The following SLC44A1 variants were observed in gnomAD, a reference collection of about 807,000 sequenced individuals.
SLC44A1 encodes the protein choline transporter-like protein 1.
A neutral mutation model predicts 79.3 loss-of-function variants in SLC44A1; 26 were observed. The observed-to-expected ratio is 0.33, with a 90% confidence interval of 0.24 to 0.46. SLC44A1 has a LOEUF of 0.46. Among genes scored for constraint, SLC44A1 ranks in the 20% least tolerant of loss-of-function variants. The probability of loss-of-function intolerance (pLI) is 1.00; values close to 1 mark genes in which losing one functional copy is unlikely to be tolerated. For missense variants in SLC44A1, 688 were observed against 798.1 expected (o/e 0.86, Z 1.66); for synonymous variants, 263 against 286.2 (o/e 0.92, Z 0.82).
At chr9:105,270,570 TCGAGA>T (rs1830054782) in intron 1 of SLC44A1, among the ~76,000 whole-genome samples, 1 of 152,212 alleles carries the variant, frequency 6.6e-6, no homozygotes, top group Non-Finnish European at 1.5e-5. Flanking sequence ...GTCAAACACC[TCGAGA>T]TCCTTCGTCT....
intron 15 of SLC44A1, among the ~76,000 whole-genome samples, chr9:105,406,108 A>G (rs2131502771): frequency 6.6e-6 from 1 of 152,308 alleles, no homozygotes; most frequent in African/African-American, 2.4e-5. Context: ...ATGAATGTGC[A>G]AAGACTGGAA....
chr9:105,291,141 C>A (rs1830593415), intron 1 of SLC44A1, among the ~76,000 whole-genome samples: 1 of 152,236 alleles, frequency 6.6e-6, no homozygotes, highest in Admixed American at 6.5e-5. Context: ...TTCATCAGGT[C>A]TGCTCACTCT....
chr9:105,251,004 C>T (rs935848597), intron 1 of SLC44A1, among the ~76,000 whole-genome samples: 1 of 152,178 alleles, frequency 6.6e-6, no homozygotes, highest in Admixed American at 6.5e-5. Flanking sequence ...TTGAGAGCCA[C>T]TCTTCCTTAC....
At chr9:105,403,504 A>C (rs1410837) in intron 15 of SLC44A1, among the ~76,000 whole-genome samples, 115,981 of 151,584 alleles carry the variant, frequency 0.77, 46,560 homozygotes, top group East Asian at 1. Flanking sequence ...ATAAAACAGA[A>C]AGATAAGTCT....
At chr9:105,417,352 A>G (rs527431053) in intron 15 of SLC44A1, among the ~76,000 whole-genome samples, 1 of 152,352 alleles carries the variant, frequency 6.6e-6, no homozygotes, top group African/African-American at 2.4e-5. Flanking sequence ...ACACATGATC[A>G]GGACCTTCCC....
intron 5 of SLC44A1, among the ~76,000 whole-genome samples, chr9:105,352,802 G>A (rs1009379342): frequency 2.0e-5 from 3 of 152,008 alleles, no homozygotes; most frequent in South Asian, 4.2e-4. Flanking sequence ...GGATTTAAAC[G>A]CTAAAATATA....
chr9:105,414,826 A>G (rs376401976), intron 15 of SLC44A1, among the ~76,000 whole-genome samples: 1 of 152,140 alleles, frequency 6.6e-6, no homozygotes, highest in African/African-American at 2.4e-5. Context: ...AGAAAAAAAA[A>G]CCATAGGAAT....
intron 15 of SLC44A1, among the ~76,000 whole-genome samples, chr9:105,421,915 A>G (rs1829256449): frequency 6.6e-6 from 1 of 152,162 alleles, no homozygotes; most frequent in Middle Eastern, 3.2e-3. Flanking sequence ...CCTTCAGCAC[A>G]CTGGTGCATT....
intron 15 of SLC44A1, among the ~76,000 whole-genome samples, chr9:105,433,049 C>G (rs1360315749): frequency 1.3e-5 from 2 of 152,144 alleles, no homozygotes; most frequent in African/African-American, 4.8e-5. Context: ...AATCCTAGCA[C>G]TTTGGGAGGC....
chr9:105,295,205 C>A (rs1305109160), intron 1 of SLC44A1, among the ~76,000 whole-genome samples: 3 of 152,186 alleles, frequency 2.0e-5, no homozygotes, highest in African/African-American at 4.8e-5. Context: ...TTTTAGGAAT[C>A]AAATGCGGTC....
At chr9:105,412,107 G>C (rs1192422399) in intron 15 of SLC44A1, among the ~76,000 whole-genome samples, 1 of 152,034 alleles carries the variant, frequency 6.6e-6, no homozygotes, top group Non-Finnish European at 1.5e-5. Flanking sequence ...GTGTTCTACT[G>C]TAAGGAAAAT....
intron 15 of SLC44A1, among the ~76,000 whole-genome samples, chr9:105,387,060 A>AAAAAAAAAAAAATAT (rs34780893): frequency 3.9e-4 from 3 of 7,714 alleles, no homozygotes; most frequent in Non-Finnish European, 7.1e-4. Context: ...AAAAAAAAAA[A>AAAAAAAAAAAAATAT]ATATATATAT....
intron 1 of SLC44A1, among the ~76,000 whole-genome samples, chr9:105,284,662 T>C (rs2131260791): frequency 6.6e-6 from 1 of 152,282 alleles, no homozygotes; most frequent in Non-Finnish European, 1.5e-5. Flanking sequence ...TCATCTCGTA[T>C]ATCTGATGCG....
chr9:105,356,051 T>A (rs755427269), intron 5 of SLC44A1, 161 bp from the exon 6 acceptor site: 8 of 614,130 alleles, frequency 1.3e-5, no homozygotes, highest in Non-Finnish European at 2.3e-5. Flanking sequence ...CCCATGACAG[T>A]CATCCTCATA....
At chr9:105,262,406 C>T (rs1294352984) in intron 1 of SLC44A1, among the ~76,000 whole-genome samples, 1 of 152,154 alleles carries the variant, frequency 6.6e-6, no homozygotes, top group Non-Finnish European at 1.5e-5. Flanking sequence ...GCTTTTGAGG[C>T]AGTCCCATAG....
At chr9:105,425,738 G>A (rs111584366) in intron 15 of SLC44A1, among the ~76,000 whole-genome samples, 1,617 of 152,264 alleles carry the variant, frequency 0.011, 31 homozygotes, top group African/African-American at 0.037. Flanking sequence ...CAAGAGAATC[G>A]CTTGAACCTG....
At chr9:105,258,003 G>A (rs327999) in intron 1 of SLC44A1, among the ~76,000 whole-genome samples, 20,852 of 152,124 alleles carry the variant, frequency 0.14, 1,874 homozygotes, top group African/African-American at 0.25. Context: ...GGCAGAGGCC[G>A]CCCAGGGAGC....
chr9:105,346,137 A>G (rs922802792), intron 4 of SLC44A1, among the ~76,000 whole-genome samples: 1 of 152,138 alleles, frequency 6.6e-6, no homozygotes, highest in South Asian at 2.1e-4. Flanking sequence ...CTGTTCATCA[A>G]CCCTTTGAGC....
chr9:105,312,680 A>G (rs1012997169), intron 3 of SLC44A1, among the ~76,000 whole-genome samples: 1 of 152,186 alleles, frequency 6.6e-6, no homozygotes, highest in South Asian at 2.1e-4. Flanking sequence ...CTTTGCTAGT[A>G]TTATTAGTTT....
Sources: gnomAD v4.1 joint callset for allele counts (sites outside exome capture counted in the v4.1 genomes callset) on GRCh38, gnomAD v4.1.1 for gene constraint, MANE v1.5 for transcripts, NCBI Gene and HGNC (gene_info 2026-07-23, HGNC 2026-07-21) for gene names.